The following DMC1 variants were observed in gnomAD, a reference collection of about 807,000 sequenced individuals.
The protein encoded by DMC1 is DNA meiotic recombinase 1, also known as meiotic recombination protein DMC1 homolog.
In DMC1, 27 loss-of-function variants were observed where a neutral mutation model predicts 50.1. The ratio of observed to expected loss-of-function variants is 0.54; its 90% CI spans 0.40 to 0.74. DMC1 has a LOEUF of 0.74. Ranked by LOEUF, DMC1 falls within the 30% of genes least tolerant of loss-of-function variation. The probability of loss-of-function intolerance (pLI) is 0.00; values close to 1 mark genes in which losing one functional copy is unlikely to be tolerated. For missense variants in DMC1, 295 were observed against 420.2 expected (o/e 0.70, Z 2.60); for synonymous variants, 148 against 136.1 (o/e 1.09, Z -0.61).
At chr22:38,524,862 G>C (rs189738914) in intron 12 of DMC1, among the ~76,000 whole-genome samples, 85 of 152,238 alleles carry the variant, frequency 5.6e-4, no homozygotes, top group African/African-American at 1.8e-3. Context: ...AGGGGTTCAA[G>C]ATCAGCCTGA....
chr22:38,528,240 T>C (rs2090116233), intron 12 of DMC1, among the ~76,000 whole-genome samples: 1 of 151,512 alleles, frequency 6.6e-6, no homozygotes, highest in Non-Finnish European at 1.5e-5. Context: ...TCTTTTGTAC[T>C]TTTAGGAGAT....
In DMC1 at chr22:38,567,925, C is replaced by T. The variant is rs930320297; in HGVS notation, c.51+281G>A. 2.6e-5 allele frequency among the ~76,000 whole-genome samples: 4 copies of T among 152,178 alleles called. No homozygotes were observed. The East Asian group carries it at 7.7e-4, about 29-fold the overall frequency. ...ATGTTTTCTCAACCCTCTTCCCCTC[C>T]AGATCCTAAACTCCTTCCTCTAGGA... On this transcript the variant is annotated intron_variant, in intron 2 of 13. Coordinates refer to ENST00000216024, the MANE Select transcript of DMC1 (RefSeq NM_007068.4).
At chr22:38,552,734 T>A (rs1301483623) in intron 6 of DMC1, 27 bp from the exon 7 acceptor site, 4 of 1,430,308 alleles carry the variant, frequency 2.8e-6, no homozygotes, top group Non-Finnish European at 3.0e-6. Context: ...AAAATGATTT[T>A]AAAAATGCAT....
intron 12 of DMC1, among the ~76,000 whole-genome samples, chr22:38,532,555 C>T (rs1366612203): frequency 6.6e-6 from 1 of 151,858 alleles, no homozygotes; most frequent in Non-Finnish European, 1.5e-5. Context: ...CTCCTGACCT[C>T]GTGATCCACT....
intron 7 of DMC1, among the ~76,000 whole-genome samples, chr22:38,550,317 CT>C (rs11458767): frequency 1.5e-3 from 201 of 133,956 alleles, no homozygotes; most frequent in Middle Eastern, 3.9e-3. Context: ...CTTTTCTTTT[CT>C]TTTTTTTTTT....
intron 12 of DMC1, among the ~76,000 whole-genome samples, chr22:38,532,321 T>C (rs552846771): frequency 5.3e-4 from 80 of 151,436 alleles, no homozygotes; most frequent in African/African-American, 1.9e-3. Context: ...TGTCTTTCTT[T>C]TTTTTTTTTT....
chr22:38,563,733 T>A (rs1403816024), intron 4 of DMC1, among the ~76,000 whole-genome samples: 1 of 150,614 alleles, frequency 6.6e-6, no homozygotes, highest in Non-Finnish European at 1.5e-5. Flanking sequence ...GGAGTCTCGC[T>A]CTGTCGCCCA....
At chr22:38,517,844 A>G (rs1381630410), downstream of DMC1, among the ~76,000 whole-genome samples, 2 of 151,974 alleles carry the variant, frequency 1.3e-5, no homozygotes, top group African/African-American at 2.4e-5. Context: ...AAAAGCTCCT[A>G]TTTCCCAGTA....
intron 12 of DMC1, among the ~76,000 whole-genome samples, chr22:38,522,674 A>T (rs2090042091): frequency 6.6e-6 from 1 of 152,254 alleles, no homozygotes; most frequent in African/African-American, 2.4e-5. Context: ...ACTATGATAT[A>T]GAATAATAGC....
At chr22:38,557,967 T>TTTTTTTTTTTTTTTTTTC (rs2090485916) in intron 5 of DMC1, among the ~76,000 whole-genome samples, 3 of 131,530 alleles carry the variant, frequency 2.3e-5, no homozygotes, top group Non-Finnish European at 4.9e-5. Flanking sequence ...TTTTTTTTTT[T>TTTTTTTTTTTTTTTTTTC]TTTTTTTTTT....
intron 5 of DMC1, among the ~76,000 whole-genome samples, chr22:38,558,801 C>T (rs1192936512): frequency 6.6e-6 from 1 of 152,152 alleles, no homozygotes; most frequent in Admixed American, 6.5e-5. Flanking sequence ...CCAGAAAACT[C>T]ACAATAACAG....
rs1464123946 is a variant in DMC1, at chr22:38,558,615, T to C, written c.327-3206A>G. Among the ~76,000 whole-genome samples, 3 of 151,994 alleles carry C rather than the reference T, an allele frequency of 2.0e-5. No individual in the cohort carries two copies. In the East Asian group the frequency reaches 5.8e-4, roughly 30 times the overall value. ...CTGTAGTCCCAGCTACTCAGGAGGCTGAGGCAGGAGAATTGCTTGAACCCA... is the reference window on the plus strand; with the variant it reads ...CTGTAGTCCCAGCTACTCAGGAGGCCGAGGCAGGAGAATTGCTTGAACCCA... On this transcript the variant is annotated intron_variant, in intron 5 of 13. Transcript: ENST00000216024.
intron 8 of DMC1, among the ~76,000 whole-genome samples, chr22:38,547,061 T>C (rs1569163352): frequency 6.6e-6 from 1 of 152,156 alleles, no homozygotes; most frequent in Non-Finnish European, 1.5e-5. Context: ...ATGTACAATG[T>C]TTTTAGATTT....
intron 8 of DMC1, among the ~76,000 whole-genome samples, chr22:38,544,419 C>T (rs929555858): frequency 3.9e-5 from 6 of 152,156 alleles, no homozygotes; most frequent in African/African-American, 1.4e-4. Flanking sequence ...TGGAAGCCCA[C>T]TCCTTGCTTT....
intron 1 of DMC1, among the ~76,000 whole-genome samples, chr22:38,569,608 GAA>G (rs1181720290): frequency 1.3e-5 from 2 of 152,196 alleles, no homozygotes; most frequent in African/African-American, 4.8e-5. Flanking sequence ...GTGATGAAAT[GAA>G]AAGATTGTCC....
chr22:38,567,508 G>A (rs1236246581), intron 3 of DMC1, 75 bp downstream of exon 3: 4 of 1,247,586 alleles, frequency 3.2e-6, no homozygotes, highest in Non-Finnish European at 4.7e-6. Context: ...AATTATCCAG[G>A]CCCAAATGTC....
intron 7 of DMC1, 139 bp from the exon 8 acceptor site, chr22:38,550,136 CAT>C (rs1290571571): frequency 6.1e-6 from 4 of 653,114 alleles, no homozygotes; most frequent in East Asian, 2.8e-5. Context: ...TTCTAAACAA[CAT>C]GTTATATTTT....
rs1384867619 is a variant in DMC1 at position 38,567,590 on chromosome 22, T to C, written c.89A>G (p.His30Arg). 7 of 1,609,228 alleles carry C rather than the reference T, an allele frequency of 4.3e-6. No individual in the cohort carries two copies. The highest frequency in any genetic ancestry group is 4.0e-5 in the African/African-American group (3 of 74,818). The change falls in exon 3 of 14, where the codon CAT becomes CGT. Residue 30 changes from histidine (H) to arginine (R), a missense_variant. Coordinates refer to ENST00000216024, the MANE Select transcript of DMC1 (RefSeq NM_007068.4). Reference sequence around the variant, plus strand: ...CATTGAAAAACTACTTACAATTCCATGTTTCTGTAACAGGTCAATATCTTG... The same window carrying C: ...CATTGAAAAACTACTTACAATTCCACGTTTCTGTAACAGGTCAATATCTTG... ...LFQDIDLLQK[H>R]GINVADIKKL...
rs1288178897 is a variant in DMC1 at position 38,555,423 on chromosome 22, G to C, written c.327-14C>G. ...CCTAGTAACTTACTGGAAATAGAAA[G>C]AAAGCATTAGTAACAGGAATAGAAA... is the stretch of plus-strand genomic sequence containing the variant. On this transcript the variant is annotated splice_polypyrimidine_tract_variant and intron_variant, in intron 5 of 13. Coordinates refer to ENST00000216024, the MANE Select transcript of DMC1 (RefSeq NM_007068.4). 9.8e-6 allele frequency: 15 copies of C among 1,531,016 alleles called. No individual in the cohort carries two copies. Among genetic ancestry groups the C allele is most frequent in the Non-Finnish European group, 1.2e-5 (13 of 1,105,022 alleles). 94.8% of individuals were successfully genotyped at this position (1,531,016 alleles called of 1,614,324 possible). A position where few individuals can be genotyped will look rare whatever the true frequency, so the allele number is the denominator to read the frequency against.
Sources: allele counts gnomAD v4.1 joint callset (sites outside exome capture counted in the v4.1 genomes callset), GRCh38; gene constraint gnomAD v4.1.1; transcripts MANE v1.5; gene names NCBI Gene and HGNC (gene_info 2026-07-23, HGNC 2026-07-21).